WDR27: variants seen among roughly 807,000 people sequenced by gnomAD.
WDR27 encodes the protein WD repeat domain 27, also known as WD repeat-containing protein 27.
In WDR27, 100 loss-of-function variants were observed where a neutral mutation model predicts 114.4. The observed-to-expected ratio is 0.87, with a 90% CI of 0.74 to 1.03. The LOEUF (loss-of-function observed/expected upper bound fraction) is 1.03, where lower values mean the gene tolerates loss of function less well. Ranked by LOEUF, WDR27 falls within the 50% of genes least tolerant of loss-of-function variation. WDR27 has a pLI of 0.00. For synonymous variants in WDR27, 449 were observed against 423.1 expected, an observed-to-expected ratio of 1.06 and a Z score of -0.75; for missense variants, 1,129 against 1,092.9, an observed-to-expected ratio of 1.03 and a Z score of -0.47.
At chr6:169,649,721 A>T (rs77007963) in intron 14 of WDR27, among the ~76,000 whole-genome samples, 4 of 151,548 alleles carry the variant, frequency 2.6e-5, no homozygotes, top group African/African-American at 9.7e-5. Context: ...ACCATCACCC[A>T]TCCATTCACT....
At chr6:169,554,821 T>G (rs1309870955) in intron 25 of WDR27, among the ~76,000 whole-genome samples, 1 of 152,246 alleles carries the variant, frequency 6.6e-6, no homozygotes, top group East Asian at 1.9e-4. Flanking sequence ...TGGCTTCTGG[T>G]GATTTATCAT....
intron 20 of WDR27, 121 bp downstream of exon 20, chr6:169,634,307 G>A (rs1179522212): frequency 3.1e-6 from 2 of 637,040 alleles, no homozygotes; most frequent in African/African-American, 1.9e-5. Context: ...CATGAGAAGG[G>A]TCCCTGCATT....
intron 25 of WDR27, among the ~76,000 whole-genome samples, chr6:169,485,595 T>G (rs1788779599): frequency 6.6e-6 from 1 of 152,164 alleles, no homozygotes; most frequent in Non-Finnish European, 1.5e-5. Context: ...TGGAAATCAG[T>G]GTGGTGATTG....
chr6:169,568,663 G>C (rs1056812434), intron 25 of WDR27, among the ~76,000 whole-genome samples: 1 of 152,186 alleles, frequency 6.6e-6, no homozygotes, highest in African/African-American at 2.4e-5. Context: ...AAACAGGGAA[G>C]ACCCAACTTT....
chr6:169,450,303 A>C, the WDR27 span, among the ~76,000 whole-genome samples: 7 of 152,326 alleles, frequency 4.6e-5, no homozygotes, highest in East Asian at 1.4e-3. Flanking sequence ...CTGCCTCTGC[A>C]GACTCGCGGG....
chr6:169,698,965 T>G (rs942477799), intron 1 of WDR27, among the ~76,000 whole-genome samples: 2 of 152,160 alleles, frequency 1.3e-5, no homozygotes, highest in South Asian at 2.1e-4. Flanking sequence ...AGTGACACTG[T>G]AGGATGTTGC....
At chr6:169,696,128 C>T (rs536311172) in intron 1 of WDR27, among the ~76,000 whole-genome samples, 12 of 152,346 alleles carry the variant, frequency 7.9e-5, no homozygotes, top group Admixed American at 2.0e-4. Context: ...GCAGAATTAA[C>T]AAACGAATAC....
At chr6:169,521,634 A>C (rs1265009573) in intron 25 of WDR27, among the ~76,000 whole-genome samples, 1 of 152,132 alleles carries the variant, frequency 6.6e-6, no homozygotes, top group Non-Finnish European at 1.5e-5. Context: ...AAATATGTAA[A>C]TTGAGACTAC....
the WDR27 span, among the ~76,000 whole-genome samples, chr6:169,433,776 C>T: frequency 3.9e-5 from 6 of 152,116 alleles, no homozygotes; most frequent in Non-Finnish European, 5.9e-5. Flanking sequence ...TTTTAATGAT[C>T]GCCATTCTAA....
chr6:169,638,655 C>G lies in WDR27; in HGVS notation c.1753G>C (p.Asp585His). 1 of 1,602,046 alleles carries G rather than the reference C, an allele frequency of 6.2e-7. No individual in the cohort carries two copies. The highest frequency in any genetic ancestry group is 1.1e-5 in the South Asian group (1 of 88,932). ...TGTPAVFSGH[D>H]GAVNAVCWSQ... ...CAGCACACGGCATTCACTGCCCCGT[C>G]GTGACCTAACAGGAATGACCACAGA... Residue 585 changes from aspartate (D) to histidine (H), a missense_variant, in exon 18 of 26, where the codon GAC (aspartate) becomes CAC (histidine). Coordinates refer to ENST00000448612, the MANE Select transcript of WDR27 (RefSeq NM_182552.5).
chr6:169,495,388 A>G (rs1357249083), intron 25 of WDR27, among the ~76,000 whole-genome samples: 1 of 152,096 alleles, frequency 6.6e-6, no homozygotes, highest in Non-Finnish European at 1.5e-5. Context: ...AACTTAAGGA[A>G]CTAAAAAACT....
chr6:169,678,493 C>T lies in WDR27; in HGVS notation c.190-6097G>A, dbSNP rs141357849. ...AGTAAATAACTTGTTTTTTATTTTA[C>T]AGGCTCATAGGTGGAAGGAACTTGC... On this transcript the variant is annotated intron_variant, in intron 2 of 25. Coordinates refer to ENST00000448612, the MANE Select transcript of WDR27 (RefSeq NM_182552.5). Among the ~76,000 whole-genome samples, 1,457 of 152,274 alleles carry T rather than the reference C, an allele frequency of 9.6e-3. 8 individuals carry two copies. Among genetic ancestry groups the T allele is most frequent in the Non-Finnish European group, 0.014 (973 of 68,024 alleles).
At chr6:169,443,982 G>C in the WDR27 span, among the ~76,000 whole-genome samples, 82,665 of 151,950 alleles carry the variant, frequency 0.54, 24,225 homozygotes, top group East Asian at 0.95. Flanking sequence ...TGAGCTCCTT[G>C]CCATAGCCCC....
intron 25 of WDR27, among the ~76,000 whole-genome samples, chr6:169,477,958 G>A (rs1583655774): frequency 6.6e-6 from 1 of 152,120 alleles, no homozygotes; most frequent in African/African-American, 2.4e-5. Flanking sequence ...ACTTGACTTG[G>A]CAATAAAAAA....
chr6:169,627,021 G>A (rs576598222), intron 21 of WDR27, among the ~76,000 whole-genome samples: 14 of 152,316 alleles, frequency 9.2e-5, no homozygotes, highest in Non-Finnish European at 1.8e-4. Flanking sequence ...GGAGAGCAGA[G>A]TTCTGATGTG....
At chr6:169,591,699 A>G (rs1454141723) in intron 23 of WDR27, among the ~76,000 whole-genome samples, 2 of 152,180 alleles carry the variant, frequency 1.3e-5, no homozygotes, top group East Asian at 3.9e-4. Flanking sequence ...ATGGTCAGCT[A>G]GCCCTCCGCT....
intron 23 of WDR27, among the ~76,000 whole-genome samples, chr6:169,584,363 G>T (rs1804149402): frequency 1.3e-5 from 2 of 152,148 alleles, no homozygotes; most frequent in African/African-American, 4.8e-5. Flanking sequence ...CTTGGCTGTT[G>T]TGACTAATGC....
At position 169,533,861 on chromosome 6, in the gene WDR27, G is replaced by T. The variant is rs374511813; in HGVS notation, c.2645+38558C>A. ...TGTGTGTGTGTGTGCACATGTGCAC[G>T]TGTATGCATACATGTGCCTGTGTGC... On this transcript the variant is annotated intron_variant, in intron 25 of 25. Transcript: ENST00000448612. Among the ~76,000 whole-genome samples the T allele has an allele frequency of 2.1e-4, 32 of 152,166 alleles. 1 individual carries two copies. The Middle Eastern group carries it at 0.014, about 65-fold the overall frequency.
At chr6:169,585,682 A>G (rs74960080) in intron 23 of WDR27, among the ~76,000 whole-genome samples, 1 of 152,374 alleles carries the variant, frequency 6.6e-6, no homozygotes, top group East Asian at 1.9e-4. Context: ...TTAAAAAATT[A>G]TAAGGAAGAG....
Sources: allele counts gnomAD v4.1 joint callset (sites outside exome capture counted in the v4.1 genomes callset), GRCh38; gene constraint gnomAD v4.1.1; transcripts MANE v1.5; gene names NCBI Gene and HGNC (gene_info 2026-07-23, HGNC 2026-07-21).